Variants in NOTCH2 observed in about 807,000 individuals in gnomAD.
NOTCH2 encodes notch receptor 2.
NOTCH2 carries 29 observed loss-of-function variants against 235.8 expected under a neutral mutation model. The ratio of observed to expected loss-of-function variants is 0.12; its 90% confidence interval spans 0.09 to 0.17. The LOEUF (loss-of-function observed/expected upper bound fraction) is 0.17, where lower values mean the gene tolerates loss of function less well. Among genes scored for constraint, NOTCH2 ranks in the 10% least tolerant of loss-of-function variants. NOTCH2 has a pLI of 1.00. For missense variants in NOTCH2, 2,285 were observed against 3,150.2 expected, an observed-to-expected ratio of 0.73 and a Z score of 6.57; for synonymous variants, 1,086 against 1,141.5, an observed-to-expected ratio of 0.95 and a Z score of 0.98.
chr1:119,953,444 T>G, intron 14 of NOTCH2, 99 bp downstream of exon 14: 1 of 1,289,860 alleles, frequency 7.8e-7, no homozygotes, highest in Non-Finnish European at 1.1e-6. Context: ...GTTACACGAA[T>G]GAATGAAAAA....
chr1:119,922,296 C>T lies in NOTCH2; in HGVS notation c.5153G>A (p.Arg1718His), dbSNP rs774915799. 5.6e-6 allele frequency: 9 copies of T among 1,614,046 alleles called. No homozygotes were observed. Among genetic ancestry groups the T allele is most frequent in the African/African-American group, 2.7e-5 (2 of 74,914 alleles). ...ACGCTTGTGATTGCTTGCATCTCGGCGAAGAGTGAAACCTTCAGGCAGCCA... is the reference window on the plus strand; with the variant it reads ...ACGCTTGTGATTGCTTGCATCTCGGTGAAGAGTGAAACCTTCAGGCAGCCA... ...SLWLPEGFTL[R>H]RDASNHKRRE... The change falls in exon 28 of 34, where the codon CGC (arginine) becomes CAC (histidine). Residue 1718 changes from arginine (R) to histidine (H), a missense_variant. Around this residue, in one of 6 missense-constraint regions of NOTCH2, gnomAD observed 1,173 missense variants for 1,515.3 expected, o/e 0.77. Coordinates refer to ENST00000256646, the MANE Select transcript of NOTCH2 (RefSeq NM_024408.4).
chr1:120,042,195 C>A (rs1307686423), intron 1 of NOTCH2, among the ~76,000 whole-genome samples: 5 of 101,698 alleles, frequency 4.9e-5, no homozygotes, highest in Admixed American at 9.5e-5. Flanking sequence ...AAAATGTCAG[C>A]CAAGCTAAAC....
At chr1:120,042,616 T>C (rs1553213032) in intron 1 of NOTCH2, among the ~76,000 whole-genome samples, 1 of 137,762 alleles carries the variant, frequency 7.3e-6, no homozygotes, top group Non-Finnish European at 1.5e-5. Context: ...AATGTGGTTA[T>C]TAGTGTAGTG....
In NOTCH2 at chr1:119,915,501, G is replaced by A. The variant is rs1470547424; in HGVS notation, c.7221C>T (p.His2407=). 1 of 1,614,154 alleles carries A rather than the reference G, an allele frequency of 6.2e-7. No homozygotes were observed. The highest frequency in any genetic ancestry group is 1.7e-5 in the Admixed American group (1 of 60,034). ...AAERTPSHSG[H]LQGEHPYLTP... Reference sequence around the variant, plus strand: ...TCAGGTAGGGATGCTCACCCTGGAGGTGACCACTGTGACTGGGTGTTCGCT... The same window carrying A: ...TCAGGTAGGGATGCTCACCCTGGAGATGACCACTGTGACTGGGTGTTCGCT... The change falls in exon 34 of 34, where the codon CAC becomes CAT. Residue 2407 remains histidine, a synonymous_variant. Transcript: ENST00000256646.
rs2101142424 is a variant in NOTCH2 at position 119,915,761 on chromosome 1, C to G, written c.6961G>C (p.Ala2321Pro). 1 of 1,607,354 alleles carries G rather than the reference C, an allele frequency of 6.2e-7. No homozygotes were observed. Among genetic ancestry groups the G allele is most frequent in the Non-Finnish European group, 8.5e-7 (1 of 1,175,450 alleles). Residue 2321 changes from alanine to proline, a missense_variant, in exon 34 of 34, where the codon GCT (alanine) becomes CCT (proline). Transcript: ENST00000256646. ...GGGCAGGTGGACTGAGGCTGGGGAGCCCCCGCTGGTTGGGCAATACTGCCT... is the reference window on the plus strand; with the variant it reads ...GGGCAGGTGGACTGAGGCTGGGGAGGCCCCGCTGGTTGGGCAATACTGCCT... Reference protein sequence around the residue: ...PKGSIAQPAGAPQPQSTCPPA... With the variant: ...PKGSIAQPAGPPQPQSTCPPA...
intron 19 of NOTCH2, among the ~76,000 whole-genome samples, chr1:119,939,760 C>A (rs782325008): frequency 5.9e-5 from 9 of 152,162 alleles, no homozygotes; most frequent in Non-Finnish European, 1.2e-4. Context: ...AGGAGCCCAA[C>A]CAAAAATGCT....
intron 5 of NOTCH2, among the ~76,000 whole-genome samples, chr1:119,974,543 G>C (rs376455079): frequency 6.6e-6 from 1 of 152,104 alleles, no homozygotes; most frequent in Non-Finnish European, 1.5e-5. Context: ...ACAATTTTCT[G>C]GTTGATCACT....
intron 1 of NOTCH2, among the ~76,000 whole-genome samples, chr1:120,065,250 G>A (rs1263770799): frequency 6.6e-6 from 1 of 152,192 alleles, no homozygotes; most frequent in African/African-American, 2.4e-5. Context: ...AAATGTCTAG[G>A]AGTACCACAG....
chr1:119,935,136 A>G, intron 22 of NOTCH2: 2 of 1,218,556 alleles, frequency 1.6e-6, no homozygotes, highest in Non-Finnish European at 2.1e-6. Context: ...TTTATTTTAG[A>G]GGCCATTAGT....
chr1:119,951,216 A>C (rs746254335), intron 14 of NOTCH2, among the ~76,000 whole-genome samples: 1 of 152,136 alleles, frequency 6.6e-6, no homozygotes, highest in Non-Finnish European at 1.5e-5. Context: ...CAGTTGTGTA[A>C]TCATGGCTCA....
At chr1:119,983,228 G>T (rs1651879837) in intron 5 of NOTCH2, among the ~76,000 whole-genome samples, 2 of 149,848 alleles carry the variant, frequency 1.3e-5, no homozygotes, top group African/African-American at 2.5e-5. Flanking sequence ...CAGGTTCTTG[G>T]TCTCACTCTG....
chr1:119,968,046 T>G, intron 7 of NOTCH2, 31 bp downstream of exon 7: 1 of 1,613,548 alleles, frequency 6.2e-7, no homozygotes, highest in Admixed American at 1.7e-5. Flanking sequence ...AACAGACACT[T>G]CACAGAACAG....
chr1:120,033,773 T>C (rs1654194831), intron 1 of NOTCH2, among the ~76,000 whole-genome samples: 1 of 152,042 alleles, frequency 6.6e-6, no homozygotes, highest in Non-Finnish European at 1.5e-5. Context: ...CATTTCAAAA[T>C]TGCTAAGAGA....
At chr1:119,996,798 G>A (rs781809463) in intron 4 of NOTCH2, 199 bp downstream of exon 4, 4 of 809,514 alleles carry the variant, frequency 4.9e-6, no homozygotes, top group Non-Finnish European at 6.6e-6. Context: ...CATAAACCCT[G>A]ACATGCTAAA....
intron 5 of NOTCH2, among the ~76,000 whole-genome samples, chr1:119,970,164 T>A (rs1464612713): frequency 1.3e-5 from 2 of 152,292 alleles, no homozygotes; most frequent in South Asian, 2.1e-4. Flanking sequence ...ATATCTTGAC[T>A]GTATCAACGT....
At chr1:119,931,129 A>G in intron 22 of NOTCH2, among the ~76,000 whole-genome samples, 1 of 151,910 alleles carries the variant, frequency 6.6e-6, no homozygotes, top group Admixed American at 6.6e-5. Context: ...AAGGTACAAA[A>G]GAAAACAGTT....
At chr1:119,970,030 G>A (rs1016205769) in intron 5 of NOTCH2, among the ~76,000 whole-genome samples, 7 of 152,096 alleles carry the variant, frequency 4.6e-5, no homozygotes, top group Admixed American at 2.6e-4. Flanking sequence ...TAGGACCCTC[G>A]AGTTAACTAA....
intron 10 of NOTCH2, 52 bp downstream of exon 10, chr1:119,965,401 T>C: frequency 1.5e-6 from 2 of 1,336,868 alleles, no homozygotes; most frequent in Non-Finnish European, 2.2e-6. Context: ...ACAATCACCC[T>C]ATTTTGTTCA....
At chr1:119,983,626 T>C (rs1651900353) in intron 5 of NOTCH2, among the ~76,000 whole-genome samples, 2 of 152,202 alleles carry the variant, frequency 1.3e-5, no homozygotes, top group African/African-American at 4.8e-5. Flanking sequence ...AATAAACTTT[T>C]TATTGCATTT....
Sources: allele counts gnomAD v4.1 joint callset (sites outside exome capture counted in the v4.1 genomes callset), GRCh38; gene constraint gnomAD v4.1.1; regional missense constraint gnomAD v4.1.1; transcripts MANE v1.5; gene names NCBI Gene and HGNC (gene_info 2026-07-23, HGNC 2026-07-21).